The following KLHL20 variants were observed in gnomAD, a reference collection of about 807,000 sequenced individuals.
KLHL20 encodes kelch-like protein 20.
A neutral mutation model predicts 69.5 loss-of-function variants in KLHL20; 29 were observed. The ratio of observed to expected loss-of-function variants is 0.42; its 90% CI spans 0.31 to 0.57. The LOEUF (loss-of-function observed/expected upper bound fraction) is 0.57, where lower values mean the gene tolerates loss of function less well. Ranked by LOEUF, KLHL20 falls within the 20% of genes least tolerant of loss-of-function variation. The pLI is 0.18. For synonymous variants in KLHL20, 253 were observed against 265.2 expected, an observed-to-expected ratio of 0.95 and a Z score of 0.45; for missense variants, 419 against 776.0, an observed-to-expected ratio of 0.54 and a Z score of 5.47.
At chr1:173,752,109 G>A (rs981425607) in intron 4 of KLHL20, among the ~76,000 whole-genome samples, 187 bp downstream of exon 4, 7 of 152,052 alleles carry the variant, frequency 4.6e-5, no homozygotes, top group East Asian at 1.9e-4. Context: ...TGTGGCGGGC[G>A]CCTGTAGTCC....
chr1:173,726,766 G>C (rs992986204), intron 2 of KLHL20, among the ~76,000 whole-genome samples: 13 of 152,174 alleles, frequency 8.5e-5, no homozygotes, highest in Non-Finnish European at 1.2e-4. Flanking sequence ...CATCATCAAA[G>C]ACCAAAGGTA....
Position 173,716,072 on chromosome 1 carries a change from C to T in KLHL20, c.23+6C>T. 1 of 1,613,236 alleles carries T rather than the reference C, an allele frequency of 6.2e-7. No homozygotes were observed. The highest frequency in any genetic ancestry group is 2.2e-5 in the East Asian group (1 of 44,852). On this transcript the variant is annotated splice_donor_region_variant and intron_variant, in intron 2 of 11. Coordinates refer to ENST00000209884, the MANE Select transcript of KLHL20 (RefSeq NM_014458.4). ...GAAGGAAAGCCAATGCGCAGGTAGG[C>T]ATTTAGGAAGAAAACCTTTGGTTTC...
At chr1:173,729,523 C>T (rs1672150704) in intron 2 of KLHL20, among the ~76,000 whole-genome samples, 1 of 152,126 alleles carries the variant, frequency 6.6e-6, no homozygotes, top group Non-Finnish European at 1.5e-5. Flanking sequence ...AGCTTATCCA[C>T]CATGATCAAG....
chr1:173,765,648 T>A (rs1266859391), intron 7 of KLHL20, among the ~76,000 whole-genome samples: 1 of 152,086 alleles, frequency 6.6e-6, no homozygotes, highest in Non-Finnish European at 1.5e-5. Flanking sequence ...AGGAATATAA[T>A]TAAATAATGT....
chr1:173,771,479 G>A (rs1243308115), intron 8 of KLHL20, among the ~76,000 whole-genome samples: 1 of 152,152 alleles, frequency 6.6e-6, no homozygotes, highest in African/African-American at 2.4e-5. Context: ...GGGAGGGCTG[G>A]GTGTGGTAGC....
rs185128997 is a variant in KLHL20 at position 173,759,548 on chromosome 1, A to T, written c.1151+2389A>T. ...ACCCATAGATGGTTCACATCACAGG[A>T]CTCTGTGCAGACATCCCCTACTACC... On this transcript the variant is annotated intron_variant, in intron 7 of 11. Coordinates refer to ENST00000209884, the MANE Select transcript of KLHL20 (RefSeq NM_014458.4). Among the ~76,000 whole-genome samples the T allele has an allele frequency of 3.8e-3, 575 of 152,182 alleles. 4 individuals are homozygous for T. The highest frequency in any genetic ancestry group is 0.013 in the African/African-American group (555 of 41,500).
chr1:173,724,770 A>C (rs78873745), intron 2 of KLHL20, among the ~76,000 whole-genome samples: 9,285 of 152,254 alleles, frequency 0.061, 1,000 homozygotes, highest in African/African-American at 0.21. Flanking sequence ...AAACCGCTGT[A>C]TTCCAGCCTG....
intron 9 of KLHL20, among the ~76,000 whole-genome samples, 195 bp downstream of exon 9, chr1:173,774,633 A>G (rs772468175): frequency 6.6e-6 from 1 of 152,082 alleles, no homozygotes; most frequent in African/African-American, 2.4e-5. Context: ...ACGTTCCCCA[A>G]ATATTTATTT....
chr1:173,716,998 A>G (rs1671495777), intron 2 of KLHL20, among the ~76,000 whole-genome samples: 1 of 152,200 alleles, frequency 6.6e-6, no homozygotes, highest in South Asian at 2.1e-4. Context: ...ACATTTGCAA[A>G]TGCTTTAAGA....
At chr1:173,718,973 C>T (rs995751856) in intron 2 of KLHL20, among the ~76,000 whole-genome samples, 5 of 151,786 alleles carry the variant, frequency 3.3e-5, no homozygotes, top group South Asian at 2.1e-4. Context: ...GGTGCGGTGG[C>T]GGGCACCTGT....
At chr1:173,721,951 T>G (rs1571847093) in intron 2 of KLHL20, among the ~76,000 whole-genome samples, 1 of 152,202 alleles carries the variant, frequency 6.6e-6, no homozygotes, top group South Asian at 2.1e-4. Flanking sequence ...ATTTTTGAAG[T>G]AGGAAAGGTG....
chr1:173,765,480 G>A (rs1424637014), intron 7 of KLHL20, among the ~76,000 whole-genome samples: 4 of 151,564 alleles, frequency 2.6e-5, no homozygotes, highest in African/African-American at 7.3e-5. Flanking sequence ...TCCAGCCTGC[G>A]CAACAGAGCG....
chr1:173,733,707 C>T lies in KLHL20; in HGVS notation c.24-6C>T. ...ATCTTCTCTCTCTCCCCCATCATTC[C>T]TATAGGTGTACCAACATTCGACCAG... is the stretch of plus-strand genomic sequence containing the variant. On this transcript the variant is annotated splice_region_variant and splice_polypyrimidine_tract_variant and intron_variant, in intron 2 of 11. Transcript: ENST00000209884. 1.2e-6 allele frequency: 2 copies of T among 1,605,502 alleles called. No homozygotes were observed. The highest frequency in any genetic ancestry group is 1.1e-5 in the South Asian group (1 of 90,330).
At chr1:173,775,494 A>G (rs1486052546) in intron 9 of KLHL20, 140 bp from the exon 10 acceptor site, 1 of 697,962 alleles carries the variant, frequency 1.4e-6, no homozygotes, top group East Asian at 2.7e-5. Flanking sequence ...GTCCAGAGGT[A>G]TACAAATCCT....
chr1:173,743,260 G>A (rs56317032), intron 3 of KLHL20, among the ~76,000 whole-genome samples: 1 of 151,738 alleles, frequency 6.6e-6, no homozygotes, highest in Non-Finnish European at 1.5e-5. Context: ...AACTTTATTT[G>A]AAAAATATTC....
chr1:173,761,828 A>G (rs1338592939), intron 7 of KLHL20, among the ~76,000 whole-genome samples: 3 of 152,160 alleles, frequency 2.0e-5, no homozygotes, highest in Admixed American at 2.0e-4. Context: ...AACTAGGGAA[A>G]CAAGAACCAA....
chr1:173,782,464 A>AG (rs1357081589), intron 11 of KLHL20, among the ~76,000 whole-genome samples: 2 of 152,104 alleles, frequency 1.3e-5, no homozygotes, highest in Non-Finnish European at 2.9e-5. Context: ...TGGGTAAAAT[A>AG]GGGAAAAAAA....
At chr1:173,771,327 C>G (rs1355937418) in intron 8 of KLHL20, among the ~76,000 whole-genome samples, 1 of 152,176 alleles carries the variant, frequency 6.6e-6, no homozygotes, top group East Asian at 1.9e-4. Flanking sequence ...TCGCTTGAGA[C>G]TAGGAGTTCA....
Position 173,753,197 on chromosome 1 carries a change from G to T in KLHL20, c.757-16G>T, listed in dbSNP as rs1283267421. 6.3e-7 allele frequency: 1 copy of T among 1,595,064 alleles called. No homozygotes were observed. ...AAAATTAATTAATTAAAATAATGGT[G>T]TTTATTTTCTCATAGGTGCTGCAGC... is the stretch of plus-strand genomic sequence containing the variant. On this transcript the variant is annotated splice_polypyrimidine_tract_variant and intron_variant, in intron 4 of 11. Transcript: ENST00000209884.
Sources: allele counts gnomAD v4.1 joint callset (sites outside exome capture counted in the v4.1 genomes callset), GRCh38; gene constraint gnomAD v4.1.1; transcripts MANE v1.5; gene names NCBI Gene and HGNC (gene_info 2026-07-23, HGNC 2026-07-21).